Variants in DLG5 observed in about 807,000 individuals in gnomAD.
DLG5 encodes the protein discs large MAGUK scaffold protein 5, also known as disks large homolog 5.
A neutral mutation model predicts 189.8 loss-of-function variants in DLG5; 48 were observed. That is an observed-to-expected ratio of 0.25 (90% CI 0.20 to 0.32). The LOEUF (loss-of-function observed/expected upper bound fraction) is 0.32. DLG5 is among the 10% of genes least tolerant of loss of function. The probability of loss-of-function intolerance (pLI) is 1.00; values close to 1 mark genes in which losing one functional copy is unlikely to be tolerated. For missense variants in DLG5, 2,160 were observed against 2,544.7 expected (o/e 0.85, Z 3.25); for synonymous variants, 1,016 against 1,054.1 (o/e 0.96, Z 0.70).
intron 16 of DLG5, 104 bp from the exon 17 acceptor site, chr10:77,819,569 G>A: frequency 1.4e-6 from 2 of 1,427,138 alleles, no homozygotes; most frequent in Non-Finnish European, 1.9e-6. Context: ...CAGTCTTTTG[G>A]GAAAAGGACT....
intron 3 of DLG5, among the ~76,000 whole-genome samples, chr10:77,855,855 G>T (rs1254162208): frequency 1.3e-5 from 2 of 152,264 alleles, no homozygotes; most frequent in East Asian, 3.9e-4. Flanking sequence ...ACCAGCATGG[G>T]AGCTAAAGGA....
chr10:77,831,978 T>A (rs1169650472), intron 9 of DLG5, among the ~76,000 whole-genome samples: 2 of 152,166 alleles, frequency 1.3e-5, no homozygotes, highest in African/African-American at 4.8e-5. Flanking sequence ...GAGGCAGAGG[T>A]AAGTGGATCA....
intron 5 of DLG5, among the ~76,000 whole-genome samples, chr10:77,846,261 A>G (rs2154576460): frequency 6.6e-6 from 1 of 152,312 alleles, no homozygotes; most frequent in Admixed American, 6.5e-5. Flanking sequence ...AAAGACGAAG[A>G]ATGGGCTCAC....
chr10:77,842,375 A>C (rs1843466583), intron 6 of DLG5, among the ~76,000 whole-genome samples, 182 bp from the exon 7 acceptor site: 1 of 152,176 alleles, frequency 6.6e-6, no homozygotes, highest in South Asian at 2.1e-4. Flanking sequence ...CCGGACCTGG[A>C]ATTTTTCTCA....
intron 24 of DLG5, among the ~76,000 whole-genome samples, chr10:77,808,865 C>T (rs1568126807): frequency 1.3e-5 from 2 of 152,316 alleles, no homozygotes; most frequent in South Asian, 2.1e-4. Flanking sequence ...GAGGCCGAGG[C>T]GGGTGGATCA....
At chr10:77,940,469 A>G in the DLG5 span, among the ~76,000 whole-genome samples, 6 of 152,274 alleles carry the variant, frequency 3.9e-5, no homozygotes, top group East Asian at 7.7e-4. Flanking sequence ...TTTGGACACA[A>G]ATCTTTTGGG....
intron 22 of DLG5, 114 bp downstream of exon 22, chr10:77,811,810 G>A (rs748518469): frequency 1.6e-4 from 219 of 1,399,438 alleles, no homozygotes; most frequent in Non-Finnish European, 2.0e-4. Flanking sequence ...TTTAGCAGCA[G>A]TAGGATCCCC....
chr10:77,834,127 T>C, intron 8 of DLG5, 88 bp from the exon 9 acceptor site: 2 of 1,499,376 alleles, frequency 1.3e-6, no homozygotes, highest in South Asian at 1.3e-5. Flanking sequence ...GCCACCTCAC[T>C]CCAAATACCT....
At chr10:77,808,617 C>T (rs1841595579) in intron 24 of DLG5, among the ~76,000 whole-genome samples, 1 of 152,084 alleles carries the variant, frequency 6.6e-6, no homozygotes. Context: ...GGCAGGAGAC[C>T]ACAGAGAAAG....
intron 5 of DLG5, chr10:77,845,382 C>A (rs1232583060): frequency 6.6e-6 from 1 of 152,166 alleles, no homozygotes; most frequent in African/African-American, 2.4e-5. Flanking sequence ...GCGTTTGCAG[C>A]CTAGAGAACC....
At chr10:77,852,478 C>T (rs1478107981) in intron 5 of DLG5, among the ~76,000 whole-genome samples, 2 of 151,936 alleles carry the variant, frequency 1.3e-5, no homozygotes, top group Non-Finnish European at 2.9e-5. Context: ...TGCAGTGGCG[C>T]AATCTTGGCT....
At chr10:77,913,963 A>T (rs2131844536) in intron 1 of DLG5, among the ~76,000 whole-genome samples, 3 of 152,270 alleles carry the variant, frequency 2.0e-5, no homozygotes, top group Middle Eastern at 6.8e-3. Flanking sequence ...AAATGAACTC[A>T]ATTCTACCTC....
At chr10:77,896,332 A>G (rs969752613) in intron 1 of DLG5, among the ~76,000 whole-genome samples, 2 of 152,202 alleles carry the variant, frequency 1.3e-5, no homozygotes, top group African/African-American at 4.8e-5. Context: ...TAGGGCAATT[A>G]GAGAGATTTA....
chr10:77,865,987 G>A (rs926371231), intron 2 of DLG5, among the ~76,000 whole-genome samples: 27 of 152,220 alleles, frequency 1.8e-4, no homozygotes, highest in African/African-American at 6.5e-4. Flanking sequence ...CATTTAGGGA[G>A]ATGTAAATGG....
intron 1 of DLG5, among the ~76,000 whole-genome samples, chr10:77,881,351 C>G (rs1845276126): frequency 6.6e-6 from 1 of 152,110 alleles, no homozygotes; most frequent in Non-Finnish European, 1.5e-5. Flanking sequence ...ACTGGCAGGT[C>G]AGGAGCTCTT....
intron 27 of DLG5, among the ~76,000 whole-genome samples, chr10:77,804,485 G>T (rs768573521): frequency 6.6e-6 from 1 of 152,140 alleles, no homozygotes; most frequent in African/African-American, 2.4e-5. Context: ...TGTAAAAAGC[G>T]AAGAGAGGGA....
chr10:77,874,999 T>G lies in DLG5; in HGVS notation c.305-5802A>C, dbSNP rs994366547. The stretch of plus-strand genomic sequence containing the variant: ...GCACTACTAAGTACTGGGACTGTGC[T>G]AAGCACTTTGCATGTATTGCCTCCA... On this transcript the variant is annotated intron_variant, in intron 1 of 31. Coordinates refer to ENST00000372391, the MANE Select transcript of DLG5 (RefSeq NM_004747.4). Among the ~76,000 whole-genome samples the G allele has an allele frequency of 5.9e-5, 9 of 152,384 alleles. No homozygotes were observed. The East Asian group carries it at 1.5e-3, about 26-fold the overall frequency.
At chr10:77,809,790 A>G (rs1242329983) in intron 23 of DLG5, 60 bp from the exon 24 acceptor site, 3 of 1,557,982 alleles carry the variant, frequency 1.9e-6, no homozygotes, top group African/African-American at 1.4e-5. Context: ...AAAAAGACAA[A>G]GCAGTGGCCA....
intron 24 of DLG5, among the ~76,000 whole-genome samples, chr10:77,808,425 C>T (rs1352059033): frequency 6.6e-6 from 1 of 152,214 alleles, no homozygotes; most frequent in Non-Finnish European, 1.5e-5. Flanking sequence ...CTCCACCACA[C>T]CTGGCTAATT....
Sources: allele counts gnomAD v4.1 joint callset (sites outside exome capture counted in the v4.1 genomes callset), GRCh38; gene constraint gnomAD v4.1.1; transcripts MANE v1.5; gene names NCBI Gene and HGNC (gene_info 2026-07-23, HGNC 2026-07-21).